SCTR: variants seen among roughly 807,000 people sequenced by gnomAD.
SCTR encodes the protein pancreatic secretin receptor.
Under a neutral mutation model 60.8 loss-of-function variants are expected in SCTR, and 56 were observed. That is an observed-to-expected ratio of 0.92 (90% CI 0.74 to 1.15). The LOEUF (loss-of-function observed/expected upper bound fraction) is 1.15. Ranked by LOEUF, SCTR falls within the 50% of genes most tolerant of loss-of-function variation. The pLI is 0.00. For missense variants in SCTR, 562 were observed against 550.4 expected (o/e 1.02, Z -0.21); for synonymous variants, 202 against 217.0 (o/e 0.93, Z 0.61).
chr2:119,448,874 C>T, intron 9 of SCTR, 94 bp from the exon 10 acceptor site: 1 of 691,038 alleles, frequency 1.4e-6, no homozygotes, highest in Non-Finnish European at 2.6e-6. Flanking sequence ...GCAGAGAAGA[C>T]ATTGCAGACA....
intron 5 of SCTR, 141 bp from the exon 6 acceptor site, chr2:119,464,396 C>A: frequency 1.3e-6 from 1 of 768,124 alleles, no homozygotes. Flanking sequence ...GTGAGCATAA[C>A]CTGAATGAGG....
At chr2:119,523,547 G>C (rs560903140) in intron 1 of SCTR, among the ~76,000 whole-genome samples, 6 of 151,792 alleles carry the variant, frequency 4.0e-5, no homozygotes, top group African/African-American at 1.5e-4. Context: ...GAGACGGTGT[G>C]GGGAGAGCGG....
chr2:119,486,724 T>A (rs1442240947), intron 2 of SCTR: 1 of 152,112 alleles, frequency 6.6e-6, no homozygotes, highest in Non-Finnish European at 1.5e-5. Flanking sequence ...GAAATGGGAG[T>A]AATAATAGTG....
At chr2:119,504,650 A>G (rs1678671250) in intron 1 of SCTR, among the ~76,000 whole-genome samples, 1 of 152,174 alleles carries the variant, frequency 6.6e-6, no homozygotes, top group South Asian at 2.1e-4. Flanking sequence ...AAAATCTTCA[A>G]ATCTAAAGCT....
At chr2:119,480,293 A>T (rs140186681) in intron 2 of SCTR, among the ~76,000 whole-genome samples, 1 of 152,324 alleles carries the variant, frequency 6.6e-6, no homozygotes, top group Non-Finnish European at 1.5e-5. Context: ...TCTCACAATC[A>T]TGGTGGAAGA....
At chr2:119,496,918 GAT>G (rs1678373471) in intron 1 of SCTR, among the ~76,000 whole-genome samples, 1 of 152,168 alleles carries the variant, frequency 6.6e-6, no homozygotes, top group Non-Finnish European at 1.5e-5. Flanking sequence ...GTTAGGAGGT[GAT>G]ACGTGTGTTT....
chr2:119,473,410 G>T (rs1336970736), intron 4 of SCTR, 43 bp downstream of exon 4: 1 of 1,401,358 alleles, frequency 7.1e-7, no homozygotes, highest in Non-Finnish European at 1.0e-6. Context: ...CACCCTATAG[G>T]TTCCTGTCCC....
intron 7 of SCTR, among the ~76,000 whole-genome samples, chr2:119,453,720 G>C (rs1042379748): frequency 6.6e-6 from 1 of 152,224 alleles, no homozygotes; most frequent in Non-Finnish European, 1.5e-5. Flanking sequence ...ACTGTGATCT[G>C]CCTGGCCACG....
intron 7 of SCTR, among the ~76,000 whole-genome samples, chr2:119,458,843 G>C (rs1182765705): frequency 6.6e-6 from 1 of 152,190 alleles, no homozygotes; most frequent in Non-Finnish European, 1.5e-5. Context: ...AGAGTCTCTG[G>C]GCGGGGAGTG....
chr2:119,451,683 C>T (rs1265564526), intron 9 of SCTR, among the ~76,000 whole-genome samples: 1 of 152,230 alleles, frequency 6.6e-6, no homozygotes, highest in Non-Finnish European at 1.5e-5. Context: ...GCCCACAGGT[C>T]TGAACCAGTG....
intron 1 of SCTR, among the ~76,000 whole-genome samples, chr2:119,507,942 G>C (rs984733077): frequency 1.3e-5 from 2 of 152,072 alleles, no homozygotes; most frequent in Non-Finnish European, 2.9e-5. Context: ...CTCCCAAAGT[G>C]CTGGCTCATT....
chr2:119,523,933 G>T (rs532432699), intron 1 of SCTR, among the ~76,000 whole-genome samples: 1 of 152,280 alleles, frequency 6.6e-6, no homozygotes, highest in Non-Finnish European at 1.5e-5. Flanking sequence ...ATTCATCTTA[G>T]AGCCGCCTTC....
At chr2:119,509,060 G>A (rs114105628) in intron 1 of SCTR, among the ~76,000 whole-genome samples, 420 of 152,336 alleles carry the variant, frequency 2.8e-3, no homozygotes, top group African/African-American at 9.6e-3. Flanking sequence ...CATGGTGGGC[G>A]AGGTGTACTT....
chr2:119,466,379 G>T (rs1185880016), intron 4 of SCTR, among the ~76,000 whole-genome samples: 1 of 152,152 alleles, frequency 6.6e-6, no homozygotes, highest in Non-Finnish European at 1.5e-5. Flanking sequence ...AGTTACAAAG[G>T]TCATACAGGG....
In SCTR at chr2:119,453,322, C is replaced by T; in HGVS notation, c.816G>A (p.Leu272=). The change falls in exon 8 of 13, where the codon TTG becomes TTA. Residue 272 remains leucine, a synonymous_variant. Coordinates refer to ENST00000019103, the MANE Select transcript of SCTR (RefSeq NM_002980.3). Reference sequence around the variant, plus strand: ...CCAGAAAGTGTCTGGCAATAGCCCACAAAGCAACAAAAATGGCTGGAGAAC... The same window carrying T: ...CCAGAAAGTGTCTGGCAATAGCCCATAAAGCAACAAAAATGGCTGGAGAAC... ...GWGSPAIFVA[L]WAIARHFLED... 1 of 1,613,874 alleles carries T rather than the reference C, an allele frequency of 6.2e-7. No individual in the cohort carries two copies. Among genetic ancestry groups the T allele is most frequent in the Non-Finnish European group, 8.5e-7 (1 of 1,179,766 alleles).
At position 119,511,120 on chromosome 2, in the gene SCTR, G is replaced by T. The variant is rs569365282; in HGVS notation, c.72+13035C>A. On this transcript the variant is annotated intron_variant, in intron 1 of 12. Coordinates refer to ENST00000019103, the MANE Select transcript of SCTR (RefSeq NM_002980.3). The stretch of plus-strand genomic sequence containing the variant: ...TGGGAGGCTGAGGCAGGAGAATGGT[G>T]TGAACTTGGGAGGCAGAGCTTGCAG... 2.0e-5 allele frequency among the ~76,000 whole-genome samples: 3 copies of T among 152,094 alleles called. No individual in the cohort carries two copies. In the South Asian group the frequency reaches 6.2e-4, roughly 32 times the overall value.
chr2:119,451,934 C>T (rs1458658089), intron 9 of SCTR, 76 bp downstream of exon 9: 2 of 908,622 alleles, frequency 2.2e-6, no homozygotes, highest in Non-Finnish European at 3.6e-6. Context: ...TGTCCTTCCA[C>T]CCTCTGCCCC....
At chr2:119,470,425 G>A (rs747627201) in intron 4 of SCTR, among the ~76,000 whole-genome samples, 2 of 152,212 alleles carry the variant, frequency 1.3e-5, no homozygotes, top group African/African-American at 2.4e-5. Context: ...TTTAGGGACC[G>A]GTGAATCACG....
chr2:119,521,779 A>G (rs1451481116), intron 1 of SCTR, among the ~76,000 whole-genome samples: 1 of 152,168 alleles, frequency 6.6e-6, no homozygotes, highest in Non-Finnish European at 1.5e-5. Context: ...TTTCAAAATC[A>G]AATGTGTGAC....
Sources: gnomAD v4.1 joint callset for allele counts (sites outside exome capture counted in the v4.1 genomes callset) on GRCh38, gnomAD v4.1.1 for gene constraint, MANE v1.5 for transcripts, NCBI Gene and HGNC (gene_info 2026-07-23, HGNC 2026-07-21) for gene names.